PCSK2: variants seen among roughly 807,000 people sequenced by gnomAD.
PCSK2 encodes neuroendocrine convertase 2.
In PCSK2, 14 loss-of-function variants were observed where a neutral mutation model predicts 69.7. The ratio of observed to expected loss-of-function variants is 0.20; its 90% CI spans 0.13 to 0.31. The LOEUF (loss-of-function observed/expected upper bound fraction) is 0.31, where lower values mean the gene tolerates loss of function less well. Ranked by LOEUF, PCSK2 falls within the 10% of genes least tolerant of loss-of-function variation. The pLI is 1.00. For synonymous variants in PCSK2, 307 were observed against 320.7 expected (o/e 0.96, Z 0.46); for missense variants, 544 against 842.5 (o/e 0.65, Z 4.39).
intron 2 of PCSK2, among the ~76,000 whole-genome samples, chr20:17,342,224 C>G (rs1026011667): frequency 2.0e-5 from 3 of 152,214 alleles, no homozygotes; most frequent in Non-Finnish European, 2.9e-5. Flanking sequence ...CCACACATTC[C>G]AAGAAACATT....
At chr20:17,248,819 T>A (rs1986864512) in intron 1 of PCSK2, among the ~76,000 whole-genome samples, 1 of 152,122 alleles carries the variant, frequency 6.6e-6, no homozygotes, top group African/African-American at 2.4e-5. Flanking sequence ...CATCAGGAAT[T>A]CCAGGCCAAA....
chr20:17,430,163 T>C (rs571479901), intron 7 of PCSK2, among the ~76,000 whole-genome samples: 1 of 151,972 alleles, frequency 6.6e-6, no homozygotes, highest in South Asian at 2.1e-4. Flanking sequence ...CCTTTAGAAA[T>C]AAGAGTGGCA....
At position 17,477,311 on chromosome 20, in the gene PCSK2, G is replaced by GTATTT. The variant is rs532527809; in HGVS notation, c.1431-4252_1431-4248dup. Among the ~76,000 whole-genome samples the GTATTT allele has an allele frequency of 1.0e-2, 1,496 of 149,842 alleles. 19 individuals carry two copies. The highest frequency in any genetic ancestry group is 0.033 in the African/African-American group (1,364 of 40,776). ...GTACATGTGCCAAGCATTGTGCCTG[G>GTATTT]TATTTTATTTTATTTTATTTTATTT... On this transcript the variant is annotated intron_variant, in intron 11 of 11. Coordinates refer to ENST00000262545, the MANE Select transcript of PCSK2 (RefSeq NM_002594.5).
intron 2 of PCSK2, among the ~76,000 whole-genome samples, chr20:17,348,200 T>C (rs1331081722): frequency 6.6e-6 from 1 of 152,174 alleles, no homozygotes; most frequent in Non-Finnish European, 1.5e-5. Flanking sequence ...GTGTTGCATT[T>C]AGGACACACT....
chr20:17,390,062 A>G (rs2123269210), intron 5 of PCSK2, among the ~76,000 whole-genome samples: 1 of 152,396 alleles, frequency 6.6e-6, no homozygotes, highest in Non-Finnish European at 1.5e-5. Flanking sequence ...GTGGAATACT[A>G]TCCCACAACA....
chr20:17,242,493 A>G (rs1268589182), intron 1 of PCSK2, among the ~76,000 whole-genome samples: 1 of 152,234 alleles, frequency 6.6e-6, no homozygotes, highest in African/African-American at 2.4e-5. Context: ...TTATAGTTCT[A>G]TAGTTCTATA....
intron 2 of PCSK2, among the ~76,000 whole-genome samples, chr20:17,297,348 T>C (rs981763429): frequency 3.3e-5 from 5 of 152,222 alleles, no homozygotes; most frequent in African/African-American, 1.2e-4. Context: ...GGAGAGTAGT[T>C]TGGTAACTCC....
intron 11 of PCSK2, 43 bp downstream of exon 11, chr20:17,465,596 C>A: frequency 8.2e-7 from 1 of 1,223,080 alleles, no homozygotes. Flanking sequence ...TGGAAAGTGC[C>A]CCTGAGATGG....
intron 1 of PCSK2, among the ~76,000 whole-genome samples, chr20:17,251,396 G>A (rs1986972831): frequency 6.6e-6 from 1 of 152,148 alleles, no homozygotes; most frequent in Admixed American, 6.5e-5. Context: ...TTAGTGAACA[G>A]GAACTAAATC....
chr20:17,294,626 A>G (rs899198113), intron 2 of PCSK2, among the ~76,000 whole-genome samples: 1 of 152,192 alleles, frequency 6.6e-6, no homozygotes, highest in African/African-American at 2.4e-5. Flanking sequence ...TTTCCACTGG[A>G]AAGTCTAGTA....
At chr20:17,277,741 CT>C (rs1218042880) in intron 2 of PCSK2, among the ~76,000 whole-genome samples, 4 of 151,798 alleles carry the variant, frequency 2.6e-5, no homozygotes, top group Non-Finnish European at 5.9e-5. Flanking sequence ...AACTAAAGAG[CT>C]TCTGCACAGC....
At chr20:17,411,657 G>C (rs2031876190) in intron 6 of PCSK2, among the ~76,000 whole-genome samples, 1 of 152,206 alleles carries the variant, frequency 6.6e-6, no homozygotes. Flanking sequence ...ATCTGAAGAG[G>C]GCAGTGGTTC....
chr20:17,365,667 G>C (rs148106679), intron 4 of PCSK2, among the ~76,000 whole-genome samples: 1 of 152,188 alleles, frequency 6.6e-6, no homozygotes, highest in Non-Finnish European at 1.5e-5. Flanking sequence ...AACAAGTTAC[G>C]TGTTTCCAAA....
chr20:17,384,495 G>A (rs1353106747), intron 5 of PCSK2, among the ~76,000 whole-genome samples: 2 of 151,658 alleles, frequency 1.3e-5, no homozygotes, highest in East Asian at 3.9e-4. Context: ...CCAGCTACTT[G>A]GGAGGCTGAG....
At chr20:17,395,632 C>T (rs1260432440) in intron 5 of PCSK2, among the ~76,000 whole-genome samples, 1 of 152,152 alleles carries the variant, frequency 6.6e-6, no homozygotes, top group African/African-American at 2.4e-5. Context: ...CTGTGGGGCT[C>T]ACACAAAATT....
chr20:17,454,043 C>A, intron 9 of PCSK2, 86 bp downstream of exon 9: 1 of 1,544,532 alleles, frequency 6.5e-7, no homozygotes. Context: ...GGCTTGCTCC[C>A]CTCCTGTCCC....
At chr20:17,447,813 GTATT>G (rs1261740707) in intron 8 of PCSK2, among the ~76,000 whole-genome samples, 1 of 152,104 alleles carries the variant, frequency 6.6e-6, no homozygotes, top group Non-Finnish European at 1.5e-5. Flanking sequence ...GTGTAGAAGA[GTATT>G]TAATCACATA....
intron 1 of PCSK2, among the ~76,000 whole-genome samples, chr20:17,239,372 C>A (rs764733331): frequency 6.6e-6 from 1 of 152,096 alleles, no homozygotes; most frequent in South Asian, 2.1e-4. Context: ...CCAAGAGAGA[C>A]CTTGAAGAAC....
At chr20:17,272,176 T>C (rs1452057211) in intron 2 of PCSK2, among the ~76,000 whole-genome samples, 3 of 152,132 alleles carry the variant, frequency 2.0e-5, no homozygotes, top group African/African-American at 7.2e-5. Flanking sequence ...TGGCACTTCT[T>C]TCCCATGCCT....
Sources: gnomAD v4.1 joint callset for allele counts (sites outside exome capture counted in the v4.1 genomes callset) on GRCh38, gnomAD v4.1.1 for gene constraint, MANE v1.5 for transcripts, NCBI Gene and HGNC (gene_info 2026-07-23, HGNC 2026-07-21) for gene names.